PTPN13: variants seen among roughly 807,000 people sequenced by gnomAD.
PTPN13 encodes the protein tyrosine-protein phosphatase non-receptor type 13.
In PTPN13, 191 loss-of-function variants were observed where a neutral mutation model predicts 284.0. The observed-to-expected ratio is 0.67, with a 90% CI of 0.60 to 0.76. The LOEUF is 0.76. Among genes scored for constraint, PTPN13 ranks in the 30% least tolerant of loss-of-function variants. The probability of loss-of-function intolerance (pLI) is 0.00; values close to 1 mark genes in which losing one functional copy is unlikely to be tolerated. For synonymous variants in PTPN13, 986 were observed against 1,022.3 expected (o/e 0.96, Z 0.68); for missense variants, 2,797 against 2,939.9 (o/e 0.95, Z 1.12).
rs776349807 is a variant in PTPN13, at chr4:86,809,808, G to C, written c.7123G>C (p.Ala2375Pro). The change falls in exon 46 of 48, where the codon GCC becomes CCC. Residue 2375 changes from alanine to proline, a missense_variant. Physicochemically the swap from Ala to Pro is conservative, Grantham distance 27. Coordinates refer to ENST00000411767, the MANE Select transcript of PTPN13 (RefSeq NM_080683.3). ...VRHISHLNFTAWPDHDTPSQP... is the reference protein window; with the variant it reads ...VRHISHLNFTPWPDHDTPSQP... ...CCATATTTCTCATCTGAATTTCACT[G>C]CCTGGCCAGACCATGATACACCTTC... 5.0e-6 allele frequency: 8 copies of C among 1,613,972 alleles called. 1 individual carries two copies. In the South Asian group the frequency reaches 8.8e-5, roughly 18 times the overall value.
intron 2 of PTPN13, 82 bp from the exon 3 acceptor site, chr4:86,672,283 T>C: frequency 8.6e-7 from 1 of 1,167,760 alleles, no homozygotes; most frequent in Admixed American, 2.8e-5. Flanking sequence ...TCCATTGAAG[T>C]GATTGCTGTT....
chr4:86,809,647 C>G, intron 45 of PTPN13, 122 bp from the exon 46 acceptor site: 1 of 839,908 alleles, frequency 1.2e-6, no homozygotes, highest in South Asian at 1.7e-5. Context: ...GCCGAGATTG[C>G]ACCACTGCAC....
chr4:86,607,146 A>C (rs1014273006), intron 1 of PTPN13, among the ~76,000 whole-genome samples: 1 of 151,820 alleles, frequency 6.6e-6, no homozygotes, highest in Admixed American at 6.6e-5. Context: ...TAAAACTGTT[A>C]ATCTTTTTTT....
chr4:86,761,263 C>A (rs1738660931), intron 23 of PTPN13, among the ~76,000 whole-genome samples: 1 of 150,480 alleles, frequency 6.6e-6, no homozygotes, highest in African/African-American at 2.4e-5. Context: ...CTGTTGCTAT[C>A]CATGTACATG....
chr4:86,697,509 T>C (rs187460279), intron 6 of PTPN13, among the ~76,000 whole-genome samples: 2 of 152,260 alleles, frequency 1.3e-5, no homozygotes, highest in African/African-American at 4.8e-5. Flanking sequence ...CCTAAACTAG[T>C]GGGCTCTCTG....
intron 2 of PTPN13, among the ~76,000 whole-genome samples, chr4:86,648,762 A>G (rs1724734872): frequency 1.3e-5 from 2 of 152,150 alleles, no homozygotes; most frequent in South Asian, 2.1e-4. Context: ...GGATTGCTGA[A>G]TCATATGGTA....
intron 17 of PTPN13, among the ~76,000 whole-genome samples, chr4:86,745,741 A>G (rs565892310): frequency 7.2e-5 from 11 of 151,900 alleles, no homozygotes; most frequent in African/African-American, 2.4e-4. Context: ...GCACCATTGC[A>G]CTCCAACCTG....
At chr4:86,748,013 C>T (rs1736976283) in intron 17 of PTPN13, among the ~76,000 whole-genome samples, 1 of 152,148 alleles carries the variant, frequency 6.6e-6, no homozygotes, top group Admixed American at 6.5e-5. Context: ...TCTCTTAATT[C>T]CTAATCCAGG....
At chr4:86,739,249 A>C (rs1197575134) in intron 15 of PTPN13, among the ~76,000 whole-genome samples, 2 of 152,204 alleles carry the variant, frequency 1.3e-5, no homozygotes, top group African/African-American at 4.8e-5. Context: ...TTAAAAGATT[A>C]TCCTTTCCAC....
At chr4:86,654,129 A>G (rs1423677325) in intron 2 of PTPN13, among the ~76,000 whole-genome samples, 1 of 152,218 alleles carries the variant, frequency 6.6e-6, no homozygotes, top group Non-Finnish European at 1.5e-5. Context: ...AGCAAGAGCA[A>G]ACACATTCAA....
At chr4:86,595,020 G>A (rs1396061053) in intron 1 of PTPN13, among the ~76,000 whole-genome samples, 1 of 152,122 alleles carries the variant, frequency 6.6e-6, no homozygotes, top group Non-Finnish European at 1.5e-5. Context: ...AAACTCCATT[G>A]CTAATTAGGT....
intron 28 of PTPN13, among the ~76,000 whole-genome samples, chr4:86,769,213 ACCT>A (rs2149268075): frequency 6.6e-6 from 1 of 151,922 alleles, no homozygotes; most frequent in Non-Finnish European, 1.5e-5. Context: ...TTTCCACATA[ACCT>A]CCTCTAACAT....
At chr4:86,667,017 T>C (rs541908156) in intron 2 of PTPN13, among the ~76,000 whole-genome samples, 161 of 152,322 alleles carry the variant, frequency 1.1e-3, no homozygotes, top group Non-Finnish European at 1.7e-3. Flanking sequence ...TACTCTCTGT[T>C]AGAAAAGAAA....
chr4:86,788,302 A>C (rs950898543), intron 40 of PTPN13, among the ~76,000 whole-genome samples: 1 of 152,190 alleles, frequency 6.6e-6, no homozygotes, highest in Non-Finnish European at 1.5e-5. Context: ...TTGTATTTCT[A>C]GAATATTACC....
chr4:86,616,894 A>G (rs887988477), intron 1 of PTPN13, among the ~76,000 whole-genome samples: 1 of 152,212 alleles, frequency 6.6e-6, no homozygotes, highest in Non-Finnish European at 1.5e-5. Flanking sequence ...AGACAAATGC[A>G]AGGGCTTAAT....
At chr4:86,676,980 C>G (rs924697805) in intron 3 of PTPN13, among the ~76,000 whole-genome samples, 4 of 152,114 alleles carry the variant, frequency 2.6e-5, no homozygotes, top group African/African-American at 9.7e-5. Flanking sequence ...GAAATATATA[C>G]TTAATGGCCG....
At chr4:86,776,748 T>C (rs971252585) in intron 35 of PTPN13, among the ~76,000 whole-genome samples, 6 of 152,280 alleles carry the variant, frequency 3.9e-5, no homozygotes, top group African/African-American at 1.4e-4. Flanking sequence ...AACACAAAGC[T>C]TATTTTATAA....
intron 45 of PTPN13, among the ~76,000 whole-genome samples, chr4:86,809,289 C>T (rs2149388812): frequency 6.6e-6 from 1 of 152,306 alleles, no homozygotes; most frequent in African/African-American, 2.4e-5. Flanking sequence ...GATCTAGCAA[C>T]CTTGTTGATA....
chr4:86,745,708 G>A (rs1173587046), intron 17 of PTPN13, among the ~76,000 whole-genome samples: 2 of 151,970 alleles, frequency 1.3e-5, no homozygotes, highest in African/African-American at 2.4e-5. Context: ...CCTGGGAGGC[G>A]GAGGTTGCAG....
Sources: gnomAD v4.1 joint callset for allele counts (sites outside exome capture counted in the v4.1 genomes callset) on GRCh38, gnomAD v4.1.1 for gene constraint, MANE v1.5 for transcripts, NCBI Gene and HGNC (gene_info 2026-07-23, HGNC 2026-07-21) for gene names.